The following LPCAT2 variants were observed in gnomAD, a reference collection of about 807,000 sequenced individuals.
The protein encoded by LPCAT2 is 1-AGP acyltransferase 11.
A neutral mutation model predicts 64.7 loss-of-function variants in LPCAT2; 58 were observed. The observed-to-expected ratio is 0.90, with a 90% CI of 0.73 to 1.12. The LOEUF (loss-of-function observed/expected upper bound fraction) is 1.12, where lower values mean the gene tolerates loss of function less well. Ranked by LOEUF, LPCAT2 falls within the 50% of genes most tolerant of loss-of-function variation. The pLI is 0.00. For synonymous variants in LPCAT2, 252 were observed against 245.3 expected, an observed-to-expected ratio of 1.03 and a Z score of -0.26; for missense variants, 579 against 669.8, an observed-to-expected ratio of 0.86 and a Z score of 1.50.
intron 12 of LPCAT2, among the ~76,000 whole-genome samples, chr16:55,578,007 T>G (rs144323777): frequency 8.6e-4 from 131 of 152,290 alleles, no homozygotes; most frequent in African/African-American, 3.0e-3. Flanking sequence ...CTATGGCATT[T>G]TGCTCTGTTG....
At chr16:55,560,936 C>T (rs560546549) in intron 11 of LPCAT2, among the ~76,000 whole-genome samples, 1 of 152,010 alleles carries the variant, frequency 6.6e-6, no homozygotes, top group South Asian at 2.1e-4. Context: ...ATTCCCATCA[C>T]CCCAGTATGA....
At position 55,515,480 on chromosome 16, in the gene LPCAT2, TC is replaced by T. The variant is rs201385558; in HGVS notation, c.171+6129del. On this transcript the variant is annotated intron_variant, in intron 1 of 13. Coordinates refer to ENST00000262134, the MANE Select transcript of LPCAT2 (RefSeq NM_017839.5). ...TAAGATAAATAATAAAGGGAGTCTCTCAGGCTGAAATGAAAGGATACTAGAC... is the reference window on the plus strand; with the variant it reads ...TAAGATAAATAATAAAGGGAGTCTCTAGGCTGAAATGAAAGGATACTAGAC... Among the ~76,000 whole-genome samples the T allele has an allele frequency of 2.7e-3, 414 of 152,308 alleles. 9 individuals carry two copies. In the South Asian group the frequency reaches 0.05, roughly 18 times the overall value.
At chr16:55,573,776 T>C (rs1029085069) in intron 11 of LPCAT2, among the ~76,000 whole-genome samples, 43 of 152,010 alleles carry the variant, frequency 2.8e-4, no homozygotes, top group African/African-American at 1.0e-3. Flanking sequence ...CTACTCCCTC[T>C]TTCTTTTTTA....
chr16:55,549,419 A>G lies in LPCAT2; in HGVS notation c.1061+17A>G, dbSNP rs1963490501. On this transcript the variant is annotated intron_variant, in intron 10 of 13. Coordinates refer to ENST00000262134, the MANE Select transcript of LPCAT2 (RefSeq NM_017839.5). ...AAAATTGAAGTAAGTGTATTTTAAAATGACTACACTTTCATAAAGTTGTCC... is the reference window on the plus strand; with the variant it reads ...AAAATTGAAGTAAGTGTATTTTAAAGTGACTACACTTTCATAAAGTTGTCC... The G allele has an allele frequency of 6.3e-7, 1 of 1,575,072 alleles. No individual in the cohort carries two copies. The highest frequency in any genetic ancestry group is 1.4e-5 in the African/African-American group (1 of 72,018).
chr16:55,515,025 A>G (rs1052229729), intron 1 of LPCAT2, among the ~76,000 whole-genome samples: 17 of 152,056 alleles, frequency 1.1e-4, no homozygotes, highest in African/African-American at 2.9e-4. Context: ...TTTGAGGAAC[A>G]TAAAAAAAGA....
chr16:55,567,218 G>T lies in LPCAT2; in HGVS notation c.1216-7413G>T, dbSNP rs111470998. 8.7e-6 allele frequency: 14 copies of T among 1,613,832 alleles called. No individual in the cohort carries two copies. The African/African-American group carries it at 1.2e-4, about 14-fold the overall frequency. Reference sequence around the variant, plus strand: ...ATCTGTGGAACAACATCAAGAAATGGCAGTGTGTTTATAAGCAGTATGACA... The same window carrying T: ...ATCTGTGGAACAACATCAAGAAATGTCAGTGTGTTTATAAGCAGTATGACA... On this transcript the variant is annotated intron_variant, in intron 11 of 13. Transcript: ENST00000262134.
At chr16:55,544,220 G>C (rs1006935128) in intron 8 of LPCAT2, among the ~76,000 whole-genome samples, 1 of 116,008 alleles carries the variant, frequency 8.6e-6, no homozygotes, top group African/African-American at 2.8e-5. Context: ...GACAAGACTT[G>C]AAAACAGGTC....
intron 1 of LPCAT2, among the ~76,000 whole-genome samples, chr16:55,519,712 T>C (rs1217845751): frequency 6.6e-6 from 1 of 152,186 alleles, no homozygotes; most frequent in African/African-American, 2.4e-5. Context: ...ACAAAAATTA[T>C]TATTTTCTTG....
intron 8 of LPCAT2, chr16:55,541,284 A>C (rs1462472632): frequency 6.6e-6 from 1 of 152,100 alleles, no homozygotes; most frequent in African/African-American, 2.4e-5. Flanking sequence ...AAGTAATAGA[A>C]AGGTTTGTTT....
intron 11 of LPCAT2, among the ~76,000 whole-genome samples, chr16:55,568,841 T>G (rs552009740): frequency 5.5e-4 from 84 of 152,208 alleles, no homozygotes; most frequent in Non-Finnish European, 9.7e-4. Flanking sequence ...CGTACAGACC[T>G]TGGTTTGGCT....
At chr16:55,537,509 G>A in intron 7 of LPCAT2, 69 bp from the exon 8 acceptor site, 2 of 1,240,770 alleles carry the variant, frequency 1.6e-6, no homozygotes, top group Non-Finnish European at 2.3e-6. Flanking sequence ...ATAAAGAAAT[G>A]ATTGTTGAAT....
Position 55,532,604 on chromosome 16 carries a change from A to G in LPCAT2, c.704-220A>G, listed in dbSNP as rs140320936. 2.8e-3 allele frequency: 828 copies of G among 294,886 alleles called. 23 individuals are homozygous for G. The East Asian group carries it at 0.029, about 10-fold the overall frequency. 18.3% of individuals were successfully genotyped at this position (294,886 alleles called of 1,614,324 possible). A position where few individuals can be genotyped will look rare whatever the true frequency, so the allele number is the denominator to read the frequency against. ...TGAATAAACAAATATTTTAAGTGGC[A>G]TAGGCACAGCATTTAATATTTTGCT... On this transcript the variant is annotated intron_variant, in intron 5 of 13. Coordinates refer to ENST00000262134, the MANE Select transcript of LPCAT2 (RefSeq NM_017839.5).
intron 2 of LPCAT2, among the ~76,000 whole-genome samples, chr16:55,527,479 C>CA (rs202093136): frequency 0.12 from 6,790 of 58,020 alleles, 227 homozygotes; most frequent in Middle Eastern, 0.23. Flanking sequence ...AACTCCATCT[C>CA]AAAAAAAAAA....
chr16:55,550,860 C>A, intron 10 of LPCAT2, 89 bp from the exon 11 acceptor site: 8 of 1,109,890 alleles, frequency 7.2e-6, no homozygotes, highest in South Asian at 2.4e-5. Flanking sequence ...ATTTTTCTCC[C>A]AGATACATTA....
At position 55,545,791 on chromosome 16, in the gene LPCAT2, C is replaced by T. The variant is rs764867356; in HGVS notation, c.909C>T (p.Ala303=). 180 of 1,611,560 alleles carry T rather than the reference C, an allele frequency of 1.1e-4. No homozygotes were observed. Among genetic ancestry groups the T allele is most frequent in the Non-Finnish European group, 1.5e-4 (174 of 1,178,842 alleles). The change falls in exon 9 of 14, where the codon GCC becomes GCT. Residue 303 remains alanine (A), a synonymous_variant. Coordinates refer to ENST00000262134, the MANE Select transcript of LPCAT2 (RefSeq NM_017839.5). Reference sequence around the variant, plus strand: ...AAAAAAATGATCCTGTCCTTTTTGCCAATAAAGTCCGGAATTTAATGGCAG... The same window carrying T: ...AAAAAAATGATCCTGTCCTTTTTGCTAATAAAGTCCGGAATTTAATGGCAG... ...DEEKNDPVLF[A]NKVRNLMAEA...
intron 1 of LPCAT2, among the ~76,000 whole-genome samples, chr16:55,520,598 A>C (rs1380950881): frequency 6.6e-6 from 1 of 152,000 alleles, no homozygotes; most frequent in Non-Finnish European, 1.5e-5. Context: ...ACCGACATAG[A>C]CCAAATGCTG....
In LPCAT2 at chr16:55,582,945, A is replaced by G. The variant is rs373535234; in HGVS notation, c.1482A>G (p.Pro494=). ...TTAAAAGTTTTGCCTTAAAGCATCCAGAATATGCTAAGATATTTACAACAT... is the reference window on the plus strand; with the variant it reads ...TTAAAAGTTTTGCCTTAAAGCATCCGGAATATGCTAAGATATTTACAACAT... ...EEFKSFALKH[P]EYAKIFTTYL... Residue 494 remains proline, a synonymous_variant, in exon 14 of 14, where the codon CCA becomes CCG. Transcript: ENST00000262134. 2.5e-6 allele frequency: 4 copies of G among 1,613,022 alleles called. No individual in the cohort carries two copies. Among genetic ancestry groups the G allele is most frequent in the South Asian group, 1.1e-5 (1 of 90,976 alleles).
intron 8 of LPCAT2, among the ~76,000 whole-genome samples, chr16:55,543,925 AAATATCCT>A (rs1395859377): frequency 6.6e-6 from 1 of 152,218 alleles, no homozygotes; most frequent in Admixed American, 6.5e-5. Flanking sequence ...TGTGAAAAGT[AAATATCCT>A]GTAGCACATT....
intron 11 of LPCAT2, among the ~76,000 whole-genome samples, chr16:55,565,216 T>A (rs1195148370): frequency 2.0e-5 from 3 of 152,004 alleles, no homozygotes; most frequent in Non-Finnish European, 4.4e-5. Flanking sequence ...AACAAGTGTT[T>A]GCAAGCATAT....
Sources: allele counts gnomAD v4.1 joint callset (sites outside exome capture counted in the v4.1 genomes callset), GRCh38; gene constraint gnomAD v4.1.1; transcripts MANE v1.5; gene names NCBI Gene and HGNC (gene_info 2026-07-23, HGNC 2026-07-21).